The following KIRREL3 variants were observed in gnomAD, a reference collection of about 807,000 sequenced individuals.
The protein encoded by KIRREL3 is kin of IRRE-like protein 3.
A neutral mutation model predicts 89.7 loss-of-function variants in KIRREL3; 36 were observed. The ratio of observed to expected loss-of-function variants is 0.40; its 90% confidence interval spans 0.31 to 0.53. The LOEUF (loss-of-function observed/expected upper bound fraction) is 0.53, where lower values mean the gene tolerates loss of function less well. Ranked by LOEUF, KIRREL3 falls within the 20% of genes least tolerant of loss-of-function variation. KIRREL3 has a pLI of 0.49. For synonymous variants in KIRREL3, 445 were observed against 441.4 expected, an observed-to-expected ratio of 1.01 and a Z score of -0.10; for missense variants, 864 against 1,056.6, an observed-to-expected ratio of 0.82 and a Z score of 2.53.
intron 1 of KIRREL3, among the ~76,000 whole-genome samples, chr11:126,577,767 A>G (rs1411286468): frequency 7.1e-6 from 1 of 141,128 alleles, no homozygotes; most frequent in Non-Finnish European, 1.5e-5. Flanking sequence ...GTCTCAATTA[A>G]AAAAAAAAAA....
At chr11:126,510,517 T>C (rs1343218081) in intron 4 of KIRREL3, among the ~76,000 whole-genome samples, 1 of 148,734 alleles carries the variant, frequency 6.7e-6, no homozygotes, top group Non-Finnish European at 1.5e-5. Flanking sequence ...CTGCACCCTT[T>C]GCCTCTTGGG....
At position 126,682,968 on chromosome 11, in the gene KIRREL3, C is replaced by T. The variant is rs1219491291; in HGVS notation, c.56-120056G>A. On this transcript the variant is annotated intron_variant, in intron 1 of 16. Coordinates refer to ENST00000525144, the MANE Select transcript of KIRREL3 (RefSeq NM_032531.4). This position sits in a 1 kb window ranked among gnomAD's most constrained non-coding sequence, Gnocchi z 4.8. ...CTCCTGGGCTCAAGCAATCCTCGCA[C>T]CTCAGCCTCCCAAGTAGCTAGGACT... Among the ~76,000 whole-genome samples, 1 of 152,144 alleles carries T rather than the reference C, an allele frequency of 6.6e-6. No homozygotes were observed. Among genetic ancestry groups the T allele is most frequent in the East Asian group, 1.9e-4 (1 of 5,176 alleles).
chr11:126,451,676 A>G (rs1222678589), intron 7 of KIRREL3, among the ~76,000 whole-genome samples: 3 of 138,136 alleles, frequency 2.2e-5, no homozygotes, highest in Admixed American at 1.4e-4. Context: ...GTGTGTGCAT[A>G]TGTGCGTGTG....
Position 126,903,826 on chromosome 11 carries a change from T to A in KIRREL3, c.55+96629A>T, listed in dbSNP as rs765507705. Among the ~76,000 whole-genome samples the A allele has an allele frequency of 2.0e-5, 3 of 152,238 alleles. No individual in the cohort carries two copies. The highest frequency in any genetic ancestry group is 6.5e-5 in the Admixed American group (1 of 15,288). On this transcript the variant is annotated intron_variant, in intron 1 of 16. Coordinates refer to ENST00000525144, the MANE Select transcript of KIRREL3 (RefSeq NM_032531.4). The surrounding 1 kb of genome is among the most constrained non-coding windows in gnomAD (Gnocchi z 4.5). Reference sequence around the variant, plus strand: ...CGGTCCTAAATCAAAGGCAATTTAATATATTAGAAGTTCTATTGCTACCCC... The same window carrying A: ...CGGTCCTAAATCAAAGGCAATTTAAAATATTAGAAGTTCTATTGCTACCCC...
rs10128663 is a variant in KIRREL3 at position 126,795,812 on chromosome 11, T to G, written c.55+204643A>C. On this transcript the variant is annotated intron_variant, in intron 1 of 16. Transcript: ENST00000525144. This position sits in a 1 kb window ranked among gnomAD's most constrained non-coding sequence, Gnocchi z 4.1. Reference sequence around the variant, plus strand: ...TTCAACCACCAGTTCTTCTTCCCCCTGTGCACCCCAAGAGCGTACATCAGC... The same window carrying G: ...TTCAACCACCAGTTCTTCTTCCCCCGGTGCACCCCAAGAGCGTACATCAGC... 1.3e-5 allele frequency among the ~76,000 whole-genome samples: 2 copies of G among 151,496 alleles called. No homozygotes were observed. Among genetic ancestry groups the G allele is most frequent in the Non-Finnish European group, 2.9e-5 (2 of 67,816 alleles).
rs1439253421 is a variant in KIRREL3, at chr11:126,537,395, A to G, written c.134-10708T>C. Among the ~76,000 whole-genome samples the G allele has an allele frequency of 1.3e-5, 2 of 152,192 alleles. No individual in the cohort carries two copies. The highest frequency in any genetic ancestry group is 4.8e-5 in the African/African-American group (2 of 41,446). On this transcript the variant is annotated intron_variant, in intron 2 of 16. Coordinates refer to ENST00000525144, the MANE Select transcript of KIRREL3 (RefSeq NM_032531.4). This position sits in a 1 kb window ranked among gnomAD's most constrained non-coding sequence, Gnocchi z 4.3. Reference sequence around the variant, plus strand: ...ATAAAGCTTTTCAGGGGTTTAAGAGAATCTTGCTTCAAGCAAGGGAGTTGT... The same window carrying G: ...ATAAAGCTTTTCAGGGGTTTAAGAGGATCTTGCTTCAAGCAAGGGAGTTGT...
rs1026378686 is a variant in KIRREL3 at position 126,931,857 on chromosome 11, C to T, written c.55+68598G>A. On this transcript the variant is annotated intron_variant, in intron 1 of 16. Transcript: ENST00000525144. The surrounding 1 kb of genome is among the most constrained non-coding windows in gnomAD (Gnocchi z 5.1). ...CAGGGAGCCCCAGGACACGTGTTGCCTTCTCACCCCAATAGGAGTAGATGG... is the reference window on the plus strand; with the variant it reads ...CAGGGAGCCCCAGGACACGTGTTGCTTTCTCACCCCAATAGGAGTAGATGG... Among the ~76,000 whole-genome samples the T allele has an allele frequency of 6.6e-6, 1 of 152,160 alleles. No homozygotes were observed. The highest frequency in any genetic ancestry group is 2.4e-5 in the African/African-American group (1 of 41,424).
In KIRREL3 at chr11:126,495,058, TG is replaced by T. The variant is rs1260251590; in HGVS notation, c.434-21593del. Among the ~76,000 whole-genome samples the T allele has an allele frequency of 5.9e-5, 9 of 152,190 alleles. No individual in the cohort carries two copies. The highest frequency in any genetic ancestry group is 1.2e-4 in the Non-Finnish European group (8 of 68,034). On this transcript the variant is annotated intron_variant, in intron 4 of 16. Coordinates refer to ENST00000525144, the MANE Select transcript of KIRREL3 (RefSeq NM_032531.4). The surrounding 1 kb of genome is among the most constrained non-coding windows in gnomAD (Gnocchi z 6.5). ...TAGGCTGTGCACTGGCCAATTCCAG[TG>T]GGCACTGAGCACTTAGCTGGCCCCT... is the stretch of plus-strand genomic sequence containing the variant.
rs1192740545 is a variant in KIRREL3, at chr11:126,526,487, G to A, written c.283+51C>T. On this transcript the variant is annotated intron_variant, in intron 3 of 16. Transcript: ENST00000525144. The surrounding 1 kb of genome is among the most constrained non-coding windows in gnomAD (Gnocchi z 5.7). Reference sequence around the variant, plus strand: ...GCTCCCTAGGAAGGTGGATGGGTGAGTAAGGAAGTGATGGCCCCAGGCCCA... The same window carrying A: ...GCTCCCTAGGAAGGTGGATGGGTGAATAAGGAAGTGATGGCCCCAGGCCCA... 1.3e-6 allele frequency: 2 copies of A among 1,566,138 alleles called. No homozygotes were observed. The highest frequency in any genetic ancestry group is 1.3e-5 in the African/African-American group (1 of 74,088).
At chr11:126,926,551 C>T (rs1947722277) in intron 1 of KIRREL3, among the ~76,000 whole-genome samples, 1 of 152,146 alleles carries the variant, frequency 6.6e-6, no homozygotes, top group African/African-American at 2.4e-5. Context: ...GGGCTTCTGT[C>T]TCTACACACG....
intron 4 of KIRREL3, among the ~76,000 whole-genome samples, chr11:126,502,296 G>C (rs1957888544): frequency 6.6e-6 from 1 of 152,220 alleles, no homozygotes. Context: ...ACACCAGCTA[G>C]GGAAGCACAG....
At position 126,475,513 on chromosome 11, in the gene KIRREL3, C is replaced by G. The variant is rs1957039191; in HGVS notation, c.434-2047G>C. ...TGCCATTTCCTGAGGAACAAGCAAC[C>G]TCCCAGGGCTTCCGAGAAGCCATCA... On this transcript the variant is annotated intron_variant, in intron 4 of 16. Coordinates refer to ENST00000525144, the MANE Select transcript of KIRREL3 (RefSeq NM_032531.4). The surrounding 1 kb of genome is among the most constrained non-coding windows in gnomAD (Gnocchi z 7.5). 6.6e-6 allele frequency among the ~76,000 whole-genome samples: 1 copy of G among 152,202 alleles called. No homozygotes were observed. The highest frequency in any genetic ancestry group is 2.1e-4 in the South Asian group (1 of 4,826).
At position 126,891,680 on chromosome 11, in the gene KIRREL3, G is replaced by T. The variant is rs529128579; in HGVS notation, c.55+108775C>A. Among the ~76,000 whole-genome samples the T allele has an allele frequency of 5.1e-4, 77 of 152,346 alleles. No homozygotes were observed. The highest frequency in any genetic ancestry group is 8.2e-4 in the Non-Finnish European group (56 of 68,028). On this transcript the variant is annotated intron_variant, in intron 1 of 16. Coordinates refer to ENST00000525144, the MANE Select transcript of KIRREL3 (RefSeq NM_032531.4). The surrounding 1 kb of genome is among the most constrained non-coding windows in gnomAD (Gnocchi z 5.1). ...AGACTTCAGAAATCACACCAAAGCAGCTTGGCTTCTAAGATGCAGCCCTGA... is the reference window on the plus strand; with the variant it reads ...AGACTTCAGAAATCACACCAAAGCATCTTGGCTTCTAAGATGCAGCCCTGA...
intron 1 of KIRREL3, among the ~76,000 whole-genome samples, chr11:126,951,589 CA>C (rs2135148764): frequency 6.6e-6 from 1 of 152,266 alleles, no homozygotes; most frequent in African/African-American, 2.4e-5. Flanking sequence ...TTTATTGTGT[CA>C]GGGGGACACC....
Position 126,568,832 on chromosome 11 carries a change from C to T in KIRREL3, c.56-5920G>A, listed in dbSNP as rs962509579. ...ACAAAATACCAAATTCTACCCCCCT[C>T]GTTTTTTTCTTTTTCAGATATGAAA... On this transcript the variant is annotated intron_variant, in intron 1 of 16. Transcript: ENST00000525144. The surrounding 1 kb of genome is among the most constrained non-coding windows in gnomAD (Gnocchi z 4.6). Among the ~76,000 whole-genome samples the T allele has an allele frequency of 3.3e-5, 5 of 152,126 alleles. No individual in the cohort carries two copies. The highest frequency in any genetic ancestry group is 1.9e-4 in the East Asian group (1 of 5,176).
At chr11:126,532,601 C>T (rs1013422688) in intron 2 of KIRREL3, among the ~76,000 whole-genome samples, 1 of 152,088 alleles carries the variant, frequency 6.6e-6, no homozygotes, top group African/African-American at 2.4e-5. Context: ...GTGTCGAACT[C>T]CTGACCTCAA....
chr11:126,502,746 A>G (rs930276793), intron 4 of KIRREL3, among the ~76,000 whole-genome samples: 3 of 152,218 alleles, frequency 2.0e-5, no homozygotes, highest in African/African-American at 7.2e-5. Flanking sequence ...TGGCTCTCCG[A>G]TTTGCATCTC....
intron 2 of KIRREL3, among the ~76,000 whole-genome samples, chr11:126,546,833 C>T (rs1400927035): frequency 6.6e-6 from 1 of 152,124 alleles, no homozygotes; most frequent in Non-Finnish European, 1.5e-5. Flanking sequence ...TTTCTCCTTA[C>T]AACAAATGCG....
intron 1 of KIRREL3, among the ~76,000 whole-genome samples, chr11:126,774,276 A>G (rs1950106415): frequency 6.6e-6 from 1 of 151,820 alleles, no homozygotes; most frequent in Non-Finnish European, 1.5e-5. Context: ...AGGCCCTAGG[A>G]AGAAACCCCT....
Sources: allele counts gnomAD v4.1 joint callset (sites outside exome capture counted in the v4.1 genomes callset), GRCh38; gene constraint gnomAD v4.1.1; non-coding constraint Gnocchi (gnomAD v3.1); transcripts MANE v1.5; gene names NCBI Gene and HGNC (gene_info 2026-07-23, HGNC 2026-07-21).